Variants in BICRAL observed in about 807,000 individuals in gnomAD.
BICRAL encodes BICRA like chromatin remodeling complex associated protein.
Under a neutral mutation model 91.8 loss-of-function variants are expected in BICRAL, and 8 were observed. The observed-to-expected ratio is 0.09, with a 90% CI of 0.05 to 0.16. The LOEUF (loss-of-function observed/expected upper bound fraction) is 0.16. BICRAL is among the 10% of genes least tolerant of loss of function. The probability of loss-of-function intolerance (pLI) is 1.00; values close to 1 mark genes in which losing one functional copy is unlikely to be tolerated. For synonymous variants in BICRAL, 445 were observed against 491.1 expected (o/e 0.91, Z 1.24); for missense variants, 1,038 against 1,310.9 (o/e 0.79, Z 3.21).
At chr6:42,847,366 C>T (rs1360386888) in intron 6 of BICRAL, among the ~76,000 whole-genome samples, 9 of 152,138 alleles carry the variant, frequency 5.9e-5, no homozygotes, top group Admixed American at 5.9e-4. Flanking sequence ...TCCTAGTTTG[C>T]TGAGAGTTTT....
intron 6 of BICRAL, 79 bp downstream of exon 6, chr6:42,830,251 T>G: frequency 7.0e-7 from 1 of 1,434,518 alleles, no homozygotes. Context: ...AATATAATTT[T>G]CATCCTAGGC....
chr6:42,790,531 C>T (rs994097083), intron 1 of BICRAL, among the ~76,000 whole-genome samples: 40 of 151,382 alleles, frequency 2.6e-4, no homozygotes, highest in African/African-American at 9.2e-4. Context: ...GCACCCCCCC[C>T]CCACCTTCTT....
chr6:42,782,918 C>T (rs910787529), intron 1 of BICRAL, among the ~76,000 whole-genome samples: 3 of 150,108 alleles, frequency 2.0e-5, no homozygotes, highest in African/African-American at 4.9e-5. Context: ...CTCTCGGAAG[C>T]TCTAGGGTGT....
intron 1 of BICRAL, among the ~76,000 whole-genome samples, chr6:42,763,462 G>T (rs1392017500): frequency 6.6e-6 from 1 of 152,090 alleles, no homozygotes; most frequent in Non-Finnish European, 1.5e-5. Flanking sequence ...AATTTTTAAG[G>T]TTATCTTCTT....
At chr6:42,797,996 G>T (rs1763460763) in intron 1 of BICRAL, among the ~76,000 whole-genome samples, 1 of 152,054 alleles carries the variant, frequency 6.6e-6, no homozygotes, top group Non-Finnish European at 1.5e-5. Context: ...AAATAAAATG[G>T]TGGACCCAGA....
At chr6:42,853,614 T>C in intron 7 of BICRAL, 24 bp from the exon 8 acceptor site, 3 of 1,543,858 alleles carry the variant, frequency 1.9e-6, no homozygotes, top group Non-Finnish European at 2.7e-6. Context: ...TTTTGAACAC[T>C]GTCTCATGTA....
chr6:42,795,097 G>A (rs1763385238), intron 1 of BICRAL, among the ~76,000 whole-genome samples: 1 of 152,162 alleles, frequency 6.6e-6, no homozygotes. Flanking sequence ...TTAGAAAGTT[G>A]TCTAACTTGT....
intron 6 of BICRAL, among the ~76,000 whole-genome samples, chr6:42,831,957 T>G (rs1308830022): frequency 6.6e-6 from 1 of 151,630 alleles, no homozygotes; most frequent in East Asian, 2.0e-4. Flanking sequence ...CAGGCTGGTC[T>G]CGAACTCCTG....
chr6:42,772,938 G>C (rs73428434), intron 1 of BICRAL, among the ~76,000 whole-genome samples: 2,231 of 152,228 alleles, frequency 0.015, 51 homozygotes, highest in African/African-American at 0.051. Context: ...CAGATTAAGA[G>C]GAGAAAAGAC....
intron 1 of BICRAL, among the ~76,000 whole-genome samples, chr6:42,782,739 C>G (rs972244423): frequency 2.0e-5 from 3 of 151,382 alleles, no homozygotes; most frequent in African/African-American, 4.9e-5. Flanking sequence ...TTTCCGCCCC[C>G]CGGAGCCGCC....
intron 7 of BICRAL, among the ~76,000 whole-genome samples, chr6:42,853,141 G>C (rs1330432999): frequency 1.3e-5 from 2 of 150,274 alleles, no homozygotes; most frequent in African/African-American, 4.9e-5. Flanking sequence ...CTCTCTACAT[G>C]CATGTTTGGA....
intron 6 of BICRAL, among the ~76,000 whole-genome samples, 184 bp downstream of exon 6, chr6:42,830,356 A>C (rs1764438295): frequency 6.6e-6 from 1 of 152,130 alleles, no homozygotes; most frequent in Admixed American, 6.5e-5. Context: ...ACTTGAACCC[A>C]GGAGTTCGAG....
At chr6:42,809,428 G>C (rs1375418371) in intron 1 of BICRAL, among the ~76,000 whole-genome samples, 2 of 143,104 alleles carry the variant, frequency 1.4e-5, no homozygotes, top group Admixed American at 1.4e-4. Context: ...CCAACTATGA[G>C]AATTTTTTTT....
intron 1 of BICRAL, among the ~76,000 whole-genome samples, chr6:42,758,302 G>A (rs571439449): frequency 6.6e-6 from 1 of 152,098 alleles, no homozygotes; most frequent in Non-Finnish European, 1.5e-5. Context: ...AACCTCTGCT[G>A]GCTCTCTATT....
At chr6:42,860,971 A>G (rs1257365315) in intron 11 of BICRAL, among the ~76,000 whole-genome samples, 2 of 152,170 alleles carry the variant, frequency 1.3e-5, no homozygotes, top group Admixed American at 1.3e-4. Context: ...TACTAAAAAT[A>G]CAAAAAGAGC....
At chr6:42,823,267 A>C (rs571741516) in intron 5 of BICRAL, among the ~76,000 whole-genome samples, 18 of 152,084 alleles carry the variant, frequency 1.2e-4, no homozygotes, top group Non-Finnish European at 1.8e-4. Context: ...CTGGGACTAC[A>C]GGCGCATGCC....
chr6:42,829,211 T>A lies in BICRAL; in HGVS notation c.878T>A (p.Val293Glu), dbSNP rs1362532961. 1 of 1,614,084 alleles carries A rather than the reference T, an allele frequency of 6.2e-7. No homozygotes were observed. The highest frequency in any genetic ancestry group is 1.3e-5 in the African/African-American group (1 of 74,928). ...ACAAATTTTCAAACATCTTTACCTGTGCATAACATCATCATACAAAGGGGT... is the reference window on the plus strand; with the variant it reads ...ACAAATTTTCAAACATCTTTACCTGAGCATAACATCATCATACAAAGGGGT... Reference protein sequence around the residue: ...NSTNFQTSLPVHNIIIQRGLA... With the variant: ...NSTNFQTSLPEHNIIIQRGLA... Residue 293 changes from valine to glutamate, a missense_variant, in exon 6 of 13, where the codon GTG becomes GAG. Physicochemically the swap from Val to Glu is moderately radical, Grantham distance 121 (BLOSUM62 -2). Transcript: ENST00000314073.
At chr6:42,807,744 T>G (rs1279374260) in intron 1 of BICRAL, among the ~76,000 whole-genome samples, 3 of 147,824 alleles carry the variant, frequency 2.0e-5, no homozygotes, top group African/African-American at 7.5e-5. Flanking sequence ...AGGCGGAGGT[T>G]GCAGTGAGCC....
intron 1 of BICRAL, among the ~76,000 whole-genome samples, chr6:42,750,887 T>C (rs1461561743): frequency 3.2e-5 from 2 of 62,234 alleles, no homozygotes; most frequent in African/African-American, 6.6e-5. Flanking sequence ...CTTTTTTTTT[T>C]TTTTTTTTTT....
Sources: gnomAD v4.1 joint callset for allele counts (sites outside exome capture counted in the v4.1 genomes callset) on GRCh38, gnomAD v4.1.1 for gene constraint, MANE v1.5 for transcripts, NCBI Gene and HGNC (gene_info 2026-07-23, HGNC 2026-07-21) for gene names.